RBFOX1: variants seen among roughly 807,000 people sequenced by gnomAD.
The protein encoded by RBFOX1 is RNA binding fox-1 homolog 1, also known as RNA binding protein fox-1 homolog 1.
A neutral mutation model predicts 57.7 loss-of-function variants in RBFOX1; 8 were observed. The ratio of observed to expected loss-of-function variants is 0.14; its 90% confidence interval spans 0.08 to 0.25. RBFOX1 has a LOEUF of 0.25. Ranked by LOEUF, RBFOX1 falls within the 10% of genes least tolerant of loss-of-function variation. The pLI is 1.00. For missense variants in RBFOX1, 611 were observed against 548.5 expected, an observed-to-expected ratio of 1.11 and a Z score of -1.14; for synonymous variants, 326 against 222.4, an observed-to-expected ratio of 1.47 and a Z score of -4.15.
At chr16:7,443,496 A>C (rs2149970663) in intron 4 of RBFOX1, among the ~76,000 whole-genome samples, 1 of 151,910 alleles carries the variant, frequency 6.6e-6, no homozygotes. Context: ...TGGTAGGCTA[A>C]GAACCTTGAA....
chr16:6,936,700 G>T (rs751231291), intron 3 of RBFOX1, among the ~76,000 whole-genome samples: 1 of 152,058 alleles, frequency 6.6e-6, no homozygotes, highest in Non-Finnish European at 1.5e-5. Flanking sequence ...GATAGCATTA[G>T]ATTAATATTA....
intron 4 of RBFOX1, among the ~76,000 whole-genome samples, chr16:7,104,179 T>G (rs2151424235): frequency 6.6e-6 from 1 of 152,292 alleles, no homozygotes; most frequent in African/African-American, 2.4e-5. Context: ...AGCATTGATT[T>G]GTTAAATGTC....
At chr16:6,990,777 C>T (rs149033085) in intron 3 of RBFOX1, among the ~76,000 whole-genome samples, 223 of 152,158 alleles carry the variant, frequency 1.5e-3, no homozygotes, top group African/African-American at 5.0e-3. Context: ...CAGGATAGTT[C>T]GAGCCCAAAC....
chr16:7,371,909 C>T (rs1350035208), intron 4 of RBFOX1, among the ~76,000 whole-genome samples: 4 of 151,786 alleles, frequency 2.6e-5, no homozygotes, highest in Non-Finnish European at 2.9e-5. Flanking sequence ...GAGCCTCCTT[C>T]AGTTTTTCTA....
intron 3 of RBFOX1, among the ~76,000 whole-genome samples, chr16:6,669,448 G>C (rs1401556658): frequency 6.6e-6 from 1 of 152,146 alleles, no homozygotes; most frequent in Non-Finnish European, 1.5e-5. Flanking sequence ...AGAATTTGCA[G>C]ATCAACCAGA....
intron 4 of RBFOX1, among the ~76,000 whole-genome samples, chr16:7,238,405 T>C (rs2093884905): frequency 6.6e-6 from 1 of 152,210 alleles, no homozygotes; most frequent in African/African-American, 2.4e-5. Context: ...CAGCTGCCCT[T>C]GTCTAAGTTC....
intron 4 of RBFOX1, among the ~76,000 whole-genome samples, chr16:5,939,816 C>T (rs1209427322): frequency 6.6e-6 from 1 of 152,140 alleles, no homozygotes; most frequent in Non-Finnish European, 1.5e-5. Context: ...AAGCCACAGC[C>T]ATACCCTGAC....
At chr16:6,418,254 C>T (rs1055615584) in intron 2 of RBFOX1, among the ~76,000 whole-genome samples, 5 of 152,058 alleles carry the variant, frequency 3.3e-5, no homozygotes, top group East Asian at 1.9e-4. Flanking sequence ...AGTGAGTGGC[C>T]GGGTCTGGAA....
intron 4 of RBFOX1, among the ~76,000 whole-genome samples, chr16:7,391,649 G>T (rs1412233052): frequency 6.6e-6 from 1 of 152,128 alleles, no homozygotes; most frequent in African/African-American, 2.4e-5. Flanking sequence ...AACTTTTTAT[G>T]TAATGATTTG....
At chr16:6,869,711 C>T (rs752129999) in intron 3 of RBFOX1, among the ~76,000 whole-genome samples, 2 of 152,154 alleles carry the variant, frequency 1.3e-5, no homozygotes, top group Non-Finnish European at 2.9e-5. Context: ...GTTGGCAAAG[C>T]CATGTGACTC....
At chr16:5,612,095 C>CCATG (rs1555482195) in intron 3 of RBFOX1, among the ~76,000 whole-genome samples, 1 of 150,582 alleles carries the variant, frequency 6.6e-6, no homozygotes, top group Admixed American at 6.7e-5. Context: ...CCCATCCATC[C>CCATG]CATTCATTCA....
chr16:6,858,476 G>T (rs1047658730), intron 3 of RBFOX1, among the ~76,000 whole-genome samples: 3 of 152,128 alleles, frequency 2.0e-5, no homozygotes, highest in African/African-American at 4.8e-5. Flanking sequence ...TAGCACTTTG[G>T]TTTCCGGGCA....
chr16:5,788,211 T>C (rs1294091822), intron 3 of RBFOX1, among the ~76,000 whole-genome samples: 1 of 152,210 alleles, frequency 6.6e-6, no homozygotes, highest in Non-Finnish European at 1.5e-5. Context: ...CGGTAGTTTA[T>C]TTACCCTGGA....
At chr16:6,819,705 CAA>C (rs1181614275) in intron 3 of RBFOX1, among the ~76,000 whole-genome samples, 6 of 20,624 alleles carry the variant, frequency 2.9e-4, no homozygotes, top group African/African-American at 1.1e-3. Flanking sequence ...AACTCTGACT[CAA>C]AAAAAAAAAA....
At chr16:7,197,648 A>G (rs892765610) in intron 4 of RBFOX1, among the ~76,000 whole-genome samples, 6 of 152,180 alleles carry the variant, frequency 3.9e-5, no homozygotes, top group African/African-American at 1.2e-4. Context: ...AGCATTATCC[A>G]CAATAGCTAA....
At chr16:6,338,204 C>G (rs1175446669) in intron 2 of RBFOX1, among the ~76,000 whole-genome samples, 1 of 152,172 alleles carries the variant, frequency 6.6e-6, no homozygotes, top group Non-Finnish European at 1.5e-5. Flanking sequence ...TTCCCCACCT[C>G]TTCACTTGAA....
At chr16:7,200,686 T>C (rs891601145) in intron 4 of RBFOX1, among the ~76,000 whole-genome samples, 1 of 152,126 alleles carries the variant, frequency 6.6e-6, no homozygotes, top group Non-Finnish European at 1.5e-5. Context: ...ATGCCCCAAA[T>C]TAAAGGATAA....
In RBFOX1 at chr16:7,041,983, A is replaced by G. The variant is rs966760108; in HGVS notation, c.-15-10074A>G. 2.0e-5 allele frequency among the ~76,000 whole-genome samples: 3 copies of G among 152,242 alleles called. No individual in the cohort carries two copies. In the East Asian group the frequency reaches 5.8e-4, roughly 29 times the overall value. Reference sequence around the variant, plus strand: ...TAATATGGCTAACGTTACTTAGGAGATGTTCAAGGACTGGACTTCCTTAGT... The same window carrying G: ...TAATATGGCTAACGTTACTTAGGAGGTGTTCAAGGACTGGACTTCCTTAGT... On this transcript the variant is annotated intron_variant, in intron 3 of 15. Transcript: ENST00000550418.
chr16:6,897,878 C>G (rs915354802), intron 3 of RBFOX1, among the ~76,000 whole-genome samples: 1 of 152,118 alleles, frequency 6.6e-6, no homozygotes, highest in African/African-American at 2.4e-5. Flanking sequence ...CCCTTCATAC[C>G]CTATATCCCC....
Sources: gnomAD v4.1 joint callset for allele counts (sites outside exome capture counted in the v4.1 genomes callset) on GRCh38, gnomAD v4.1.1 for gene constraint, MANE v1.5 for transcripts, NCBI Gene and HGNC (gene_info 2026-07-23, HGNC 2026-07-21) for gene names.